ATP11C: variants seen among roughly 807,000 people sequenced by gnomAD.
ATP11C encodes the protein phospholipid-transporting ATPase IG.
Under a neutral mutation model 97.4 loss-of-function variants are expected in ATP11C, and 36 were observed. The observed-to-expected ratio is 0.37, with a 90% CI of 0.28 to 0.49. The LOEUF is 0.49. Ranked by LOEUF, ATP11C falls within the 20% of genes least tolerant of loss-of-function variation. ATP11C has a pLI of 0.98. For synonymous variants in ATP11C, 275 were observed against 290.9 expected (o/e 0.95, Z 0.56); for missense variants, 730 against 824.6 (o/e 0.89, Z 1.40).
At chrX:139,760,807 T>C (rs1222419574) in intron 22 of ATP11C, among the ~76,000 whole-genome samples, 1 of 111,638 alleles carries the variant, frequency 9.0e-6, no homozygotes, top group Non-Finnish European at 1.9e-5. Context: ...AATATTAAAT[T>C]GGGTGAGAAA....
At chrX:139,935,786 T>C (rs747024279), upstream of ATP11C, among the ~76,000 whole-genome samples, 141 of 111,239 alleles carry the variant, frequency 1.3e-3, no homozygotes, top group Non-Finnish European at 2.3e-3. Flanking sequence ...AGTCAGGAGT[T>C]TGAAACCAGC....
chrX:139,821,441 TA>T (rs1603388481), intron 2 of ATP11C, among the ~76,000 whole-genome samples: 2 of 112,063 alleles, frequency 1.8e-5, no homozygotes, highest in Admixed American at 9.4e-5. Flanking sequence ...TCTAAAACAA[TA>T]AGCTAAACTC....
chrX:139,762,169 T>A, intron 21 of ATP11C, 63 bp from the exon 22 acceptor site: 1 of 891,497 alleles, frequency 1.1e-6, no homozygotes, highest in Non-Finnish European at 1.5e-6. Flanking sequence ...TGATTTATCT[T>A]CACAGTTTCA....
chrX:139,835,758 G>A (rs1308350333), intron 1 of ATP11C, among the ~76,000 whole-genome samples: 2 of 106,621 alleles, frequency 1.9e-5, no homozygotes, highest in African/African-American at 3.4e-5. Flanking sequence ...GCCGAGTGTG[G>A]TGGCTCACAC....
chrX:139,815,188 T>G (rs886909731), intron 4 of ATP11C, among the ~76,000 whole-genome samples: 2 of 112,302 alleles, frequency 1.8e-5, no homozygotes, highest in African/African-American at 6.5e-5. Flanking sequence ...TAAATAGCTT[T>G]GTTGTGTTAA....
At chrX:139,808,823 C>G (rs745430738) in intron 5 of ATP11C, among the ~76,000 whole-genome samples, 1 of 112,183 alleles carries the variant, frequency 8.9e-6, no homozygotes, top group African/African-American at 3.2e-5. Flanking sequence ...CTTTTAAAAA[C>G]AGTTTTAGGC....
intron 1 of ATP11C, among the ~76,000 whole-genome samples, chrX:139,838,625 G>C (rs2083781753): frequency 8.9e-6 from 1 of 112,233 alleles, no homozygotes; most frequent in Admixed American, 9.4e-5. Flanking sequence ...ACAAAAACTT[G>C]TGCATGCATG....
intron 1 of ATP11C, among the ~76,000 whole-genome samples, chrX:139,882,177 A>C (rs1282861638): frequency 9.0e-6 from 1 of 111,133 alleles, no homozygotes; most frequent in Non-Finnish European, 1.9e-5. Flanking sequence ...CAAATCAAAT[A>C]AATGTATTAA....
At chrX:139,891,197 C>CAAAAA (rs35280856) in intron 1 of ATP11C, among the ~76,000 whole-genome samples, 36 of 35,366 alleles carry the variant, frequency 1.0e-3, no homozygotes, top group East Asian at 3.1e-3. Flanking sequence ...AGAGATTGGC[C>CAAAAA]AAAAAAAAAA....
rs773545482 is a variant in ATP11C, at chrX:139,768,285, C to T, written c.2366G>A (p.Arg789Gln). 24 of 1,121,986 alleles carry T rather than the reference C, an allele frequency of 2.1e-5. No homozygotes were observed. Among genetic ancestry groups the T allele is most frequent in the Non-Finnish European group, 2.6e-5 (22 of 847,453 alleles). The allele number at this position is 1,121,986 out of a possible 1,213,427, so 92.5% of individuals were successfully genotyped here. ...CMKCTAVLCC[R>Q]MAPLQKAQIV... ...CTGGGCTTTCTGTAATGGTGCCATC[C>T]GACAGCAGAGCACTGCAGTACACTT... Residue 789 changes from arginine to glutamine, a missense_variant, in exon 20 of 30, where the codon CGG becomes CAG. Arg to Gln is a conservative substitution (Grantham distance 43). Transcript: ENST00000682941.
chrX:139,875,010 C>T (rs1333839554), intron 1 of ATP11C, among the ~76,000 whole-genome samples: 1 of 111,467 alleles, frequency 9.0e-6, no homozygotes, highest in Non-Finnish European at 1.9e-5. Flanking sequence ...GATGGAAGAG[C>T]ATACTACACA....
intron 5 of ATP11C, among the ~76,000 whole-genome samples, chrX:139,814,210 T>C (rs764528273): frequency 9.1e-6 from 1 of 110,346 alleles, no homozygotes; most frequent in Non-Finnish European, 1.9e-5. Context: ...TAATAAACAA[T>C]GATTAACTGG....
intron 26 of ATP11C, among the ~76,000 whole-genome samples, chrX:139,743,336 T>A (rs1173525137): frequency 1.8e-5 from 2 of 110,308 alleles, no homozygotes; most frequent in Admixed American, 1.9e-4. Flanking sequence ...AGTAAAACAA[T>A]ATAAAGAGGA....
At chrX:139,781,730 T>TAAATAA (rs887363824) in intron 18 of ATP11C, among the ~76,000 whole-genome samples, 3 of 110,229 alleles carry the variant, frequency 2.7e-5, no homozygotes, top group African/African-American at 6.6e-5. Context: ...AATAAATAAA[T>TAAATAA]AAATAAAAAT....
intron 1 of ATP11C, among the ~76,000 whole-genome samples, chrX:139,864,488 T>C (rs1239448458): frequency 8.9e-6 from 1 of 112,456 alleles, no homozygotes; most frequent in East Asian, 2.8e-4. Context: ...ATCAAAACAC[T>C]GGCTCTGCTA....
chrX:139,921,433 C>G (rs1260291921), intron 1 of ATP11C, among the ~76,000 whole-genome samples: 1 of 111,551 alleles, frequency 9.0e-6, no homozygotes, highest in Non-Finnish European at 1.9e-5. Context: ...GTCCTAATTG[C>G]CTTCTGCCAT....
At chrX:139,896,094 C>T (rs376073046) in intron 1 of ATP11C, among the ~76,000 whole-genome samples, 1 of 111,473 alleles carries the variant, frequency 9.0e-6, no homozygotes, top group African/African-American at 3.3e-5. Flanking sequence ...TACTCCTCTC[C>T]AGAATCAGAG....
At chrX:139,891,197 CAAAAAAA>C (rs35280856) in intron 1 of ATP11C, among the ~76,000 whole-genome samples, 5 of 35,498 alleles carry the variant, frequency 1.4e-4, no homozygotes, top group African/African-American at 3.4e-4. Flanking sequence ...AGAGATTGGC[CAAAAAAA>C]AAAAAAAAAA....
intron 1 of ATP11C, among the ~76,000 whole-genome samples, chrX:139,840,616 TA>T (rs899758643): frequency 1.8e-5 from 2 of 112,228 alleles, no homozygotes; most frequent in African/African-American, 6.5e-5. Flanking sequence ...TGCCATAAAA[TA>T]CAAGGACAAT....
Sources: allele counts gnomAD v4.1 joint callset (sites outside exome capture counted in the v4.1 genomes callset), GRCh38; gene constraint gnomAD v4.1.1; transcripts MANE v1.5; gene names NCBI Gene and HGNC (gene_info 2026-07-23, HGNC 2026-07-21).